KDM4A: variants seen among roughly 807,000 people sequenced by gnomAD.
The protein encoded by KDM4A is lysine-specific demethylase 4A.
In KDM4A, 23 loss-of-function variants were observed where a neutral mutation model predicts 127.1. The observed-to-expected ratio is 0.18, with a 90% CI of 0.13 to 0.26. The LOEUF (loss-of-function observed/expected upper bound fraction) is 0.26, where lower values mean the gene tolerates loss of function less well. Ranked by LOEUF, KDM4A falls within the 10% of genes least tolerant of loss-of-function variation. The pLI, the probability that KDM4A is intolerant of heterozygous loss-of-function variation, is 1.00. For missense variants in KDM4A, 890 were observed against 1,329.1 expected, an observed-to-expected ratio of 0.67 and a Z score of 5.14; for synonymous variants, 443 against 466.5, an observed-to-expected ratio of 0.95 and a Z score of 0.65.
chr1:43,695,041 C>T (rs958415819), intron 18 of KDM4A, 147 bp downstream of exon 18: 3 of 769,740 alleles, frequency 3.9e-6, no homozygotes, highest in East Asian at 2.7e-5. Flanking sequence ...GAGAGGTGGC[C>T]CCTGTCCATC....
intron 19 of KDM4A, among the ~76,000 whole-genome samples, chr1:43,702,961 G>T (rs1464168885): frequency 6.6e-6 from 1 of 151,882 alleles, no homozygotes; most frequent in African/African-American, 2.4e-5. Flanking sequence ...AACCCAGGAG[G>T]CTGAGGTTGC....
chr1:43,694,920 C>T lies in KDM4A; in HGVS notation c.2670+26C>T, dbSNP rs1417896759. 1 of 1,571,702 alleles carries T rather than the reference C, an allele frequency of 6.4e-7. No individual in the cohort carries two copies. Among genetic ancestry groups the T allele is most frequent in the Non-Finnish European group, 8.7e-7 (1 of 1,150,710 alleles). ...GTGAGAGAGGGTGTCATTCTAGAAT[C>T]CTCTTGACAGTTTTCATGGTCATTT... On this transcript the variant is annotated intron_variant, in intron 18 of 21. Transcript: ENST00000372396. This position sits in a 1 kb window ranked among gnomAD's most constrained non-coding sequence, Gnocchi z 5.2.
chr1:43,683,810 T>G lies in KDM4A; in HGVS notation c.1855+6T>G. 1.2e-6 allele frequency: 2 copies of G among 1,613,224 alleles called. No homozygotes were observed. The highest frequency in any genetic ancestry group is 1.7e-6 in the Non-Finnish European group (2 of 1,179,714). On this transcript the variant is annotated splice_donor_region_variant and intron_variant, in intron 12 of 21. Transcript: ENST00000372396. ...GGAGTGTGTCAGTGATGATGGTAAG[T>G]GTTGTTTTTTCTTCACCAGGAGGAA...
At chr1:43,682,366 T>C (rs1265974693) in intron 11 of KDM4A, among the ~76,000 whole-genome samples, 2 of 152,250 alleles carry the variant, frequency 1.3e-5, no homozygotes, top group Admixed American at 6.5e-5. Context: ...CCTGAGGTGC[T>C]TTCCGGATGT....
chr1:43,691,515 T>A lies in KDM4A; in HGVS notation c.2262T>A (p.Pro754=), dbSNP rs1557918226. The A allele has an allele frequency of 1.7e-5, 27 of 1,613,974 alleles. No homozygotes were observed. The highest frequency in any genetic ancestry group is 2.2e-5 in the Non-Finnish European group (26 of 1,179,996). Residue 754 remains proline (P), a synonymous_variant, in exon 15 of 22, where the codon CCT becomes CCA. Transcript: ENST00000372396. The part of the protein sequence containing the change: ...RVHASCYGVP[P]AKASEDWMCS... ...TGTTAGGTTGCTATGGGGTCCCCCC[T>A]GCAAAGGCTTCTGAAGACTGGATGT...
In KDM4A at chr1:43,705,117, G is replaced by C. The variant is rs1193816730; in HGVS notation, c.*747G>C. On this transcript the variant is annotated 3_prime_UTR_variant, in exon 22 of 22. Transcript: ENST00000372396. ...AGCCCCTGTGGCAAAGTATTACAGG[G>C]TGTGGGTGGGGATTACCCTGAATCG... is the stretch of plus-strand genomic sequence containing the variant. 1.3e-5 allele frequency: 2 copies of C among 152,368 alleles called. No individual in the cohort carries two copies. The highest frequency in any genetic ancestry group is 4.8e-5 in the African/African-American group (2 of 41,458). The allele number at this position is 152,368 out of a possible 1,614,324, so 9.4% of individuals were successfully genotyped here. A position where few individuals can be genotyped will look rare whatever the true frequency, so the allele number is the denominator to read the frequency against.
At chr1:43,700,712 T>G (rs1570882293) in intron 19 of KDM4A, among the ~76,000 whole-genome samples, 1 of 151,384 alleles carries the variant, frequency 6.6e-6, no homozygotes, top group East Asian at 2.0e-4. Flanking sequence ...TGTGAGCCAC[T>G]GCTCCTGGCA....
intron 13 of KDM4A, 37 bp from the exon 14 acceptor site, chr1:43,690,808 G>T: frequency 1.1e-5 from 17 of 1,586,114 alleles, no homozygotes; most frequent in Non-Finnish European, 1.5e-5. Flanking sequence ...GCATAGGCAC[G>T]TGCTCACTGA....
At position 43,703,740 on chromosome 1, in the gene KDM4A, T is replaced by A. The variant is rs1661469011; in HGVS notation, c.2961+4T>A. ...CCACCCTATCCAAATGTACCAGGTA[T>A]CCAAAGTTCTACCTTTCTAGGGAGT... On this transcript the variant is annotated splice_donor_region_variant and intron_variant, in intron 20 of 21. Coordinates refer to ENST00000372396, the MANE Select transcript of KDM4A (RefSeq NM_014663.3). 3 of 1,614,060 alleles carry A rather than the reference T, an allele frequency of 1.9e-6. No individual in the cohort carries two copies. The highest frequency in any genetic ancestry group is 1.7e-4 in the Middle Eastern group (1 of 6,060).
At chr1:43,667,388 C>A (rs1331072308) in intron 8 of KDM4A, among the ~76,000 whole-genome samples, 1 of 152,118 alleles carries the variant, frequency 6.6e-6, no homozygotes, top group Non-Finnish European at 1.5e-5. Context: ...TTAGGGGTTT[C>A]CTTTACTCTA....
chr1:43,697,770 A>G, intron 18 of KDM4A, 73 bp from the exon 19 acceptor site: 1 of 1,368,264 alleles, frequency 7.3e-7, no homozygotes, highest in Non-Finnish European at 1.0e-6. Flanking sequence ...GGAGGAACTA[A>G]TTGATCTTCA....
chr1:43,665,784 A>G (rs1660488267), intron 6 of KDM4A, 39 bp downstream of exon 6: 1 of 1,606,010 alleles, frequency 6.2e-7, no homozygotes, highest in South Asian at 1.1e-5. Context: ...GGACCCTCCT[A>G]TGAGCTGTGC....
chr1:43,697,814 G>C, intron 18 of KDM4A, 29 bp from the exon 19 acceptor site: 1 of 1,603,342 alleles, frequency 6.2e-7, no homozygotes, highest in Non-Finnish European at 8.5e-7. Flanking sequence ...CTCCACGTGT[G>C]AGTAACCAAA....
At chr1:43,683,177 GA>G (rs2154048056) in intron 11 of KDM4A, among the ~76,000 whole-genome samples, 1 of 152,366 alleles carries the variant, frequency 6.6e-6, no homozygotes, top group Admixed American at 6.5e-5. Context: ...AGTGTATAAG[GA>G]GAAGGTGGCC....
Position 43,694,616 on chromosome 1 carries a change from T to C in KDM4A, c.2485-93T>C. 5 of 1,135,308 alleles carry C rather than the reference T, an allele frequency of 4.4e-6. No homozygotes were observed. The Admixed American group carries it at 5.8e-5, about 13-fold the overall frequency. 70.3% of individuals were successfully genotyped at this position (1,135,308 alleles called of 1,614,324 possible). On this transcript the variant is annotated intron_variant, in intron 17 of 21. Transcript: ENST00000372396. The surrounding 1 kb of genome is among the most constrained non-coding windows in gnomAD (Gnocchi z 5.2). ...TTGTATTTTGGGAAGGGGCTGGCTC[T>C]TGCTTGCTTGGCTTTGCATTTGGGA...
At chr1:43,701,163 C>T (rs1172986047) in intron 19 of KDM4A, among the ~76,000 whole-genome samples, 1 of 151,814 alleles carries the variant, frequency 6.6e-6, no homozygotes, top group Non-Finnish European at 1.5e-5. Context: ...TCGTGATCTG[C>T]CCGCCTTGGC....
rs2154049855 is a variant in KDM4A, at chr1:43,705,427, C to G, written c.*1057C>G. 1 of 152,738 alleles carries G rather than the reference C, an allele frequency of 6.5e-6. No homozygotes were observed. The highest frequency in any genetic ancestry group is 2.1e-4 in the South Asian group (1 of 4,826). The allele number at this position is 152,738 out of a possible 1,614,324, so 9.5% of individuals were successfully genotyped here. A position where few individuals can be genotyped will look rare whatever the true frequency, so the allele number is the denominator to read the frequency against. ...AAGAATCAGATTTATAATACTTCCCCTTTTTTGTTACGTATGAACACTATA... is the reference window on the plus strand; with the variant it reads ...AAGAATCAGATTTATAATACTTCCCGTTTTTTGTTACGTATGAACACTATA... On this transcript the variant is annotated 3_prime_UTR_variant, in exon 22 of 22. Transcript: ENST00000372396.
chr1:43,677,216 G>A lies in KDM4A; in HGVS notation c.1734+5341G>A, dbSNP rs138760842. Among the ~76,000 whole-genome samples, 708 of 152,032 alleles carry A rather than the reference G, an allele frequency of 4.7e-3. 8 individuals carry two copies. The highest frequency in any genetic ancestry group is 0.016 in the African/African-American group (666 of 41,460). On this transcript the variant is annotated intron_variant, in intron 11 of 21. Coordinates refer to ENST00000372396, the MANE Select transcript of KDM4A (RefSeq NM_014663.3). ...AAAAATTAGCCAGGCGTGTTGGCGG[G>A]TGCCTGTAATCCCAGCTACTCAGGA...
At chr1:43,671,167 G>T (rs538395298) in intron 10 of KDM4A, among the ~76,000 whole-genome samples, 1 of 152,320 alleles carries the variant, frequency 6.6e-6, no homozygotes, top group Non-Finnish European at 1.5e-5. Context: ...AGGTAGCCAG[G>T]TCTCTGCTGA....
Sources: gnomAD v4.1 joint callset for allele counts (sites outside exome capture counted in the v4.1 genomes callset) on GRCh38, gnomAD v4.1.1 for gene constraint, Gnocchi (gnomAD v3.1) non-coding constraint, MANE v1.5 for transcripts, NCBI Gene and HGNC (gene_info 2026-07-23, HGNC 2026-07-21) for gene names.